The following ARHGAP26 variants were observed in gnomAD, a reference collection of about 807,000 sequenced individuals.
The protein encoded by ARHGAP26 is rho GTPase-activating protein 26.
Under a neutral mutation model 104.8 loss-of-function variants are expected in ARHGAP26, and 38 were observed. The ratio of observed to expected loss-of-function variants is 0.36; its 90% confidence interval spans 0.28 to 0.48. The LOEUF is 0.48. Among genes scored for constraint, ARHGAP26 ranks in the 20% least tolerant of loss-of-function variants. The pLI is 0.99. For missense variants in ARHGAP26, 704 were observed against 947.9 expected (o/e 0.74, Z 3.38); for synonymous variants, 341 against 340.0 (o/e 1.00, Z -0.03).
intron 12 of ARHGAP26, among the ~76,000 whole-genome samples, chr5:143,021,335 C>T (rs1392533341): frequency 6.6e-6 from 1 of 152,182 alleles, no homozygotes; most frequent in African/African-American, 2.4e-5. Context: ...AATATTCTGT[C>T]ATTGGACTAT....
chr5:142,832,799 T>G (rs1768748724), intron 1 of ARHGAP26, among the ~76,000 whole-genome samples: 1 of 152,234 alleles, frequency 6.6e-6, no homozygotes. Flanking sequence ...GAGTTGAATC[T>G]GCTCAGATGC....
chr5:143,096,669 T>C (rs1339038059), intron 17 of ARHGAP26, among the ~76,000 whole-genome samples: 1 of 151,704 alleles, frequency 6.6e-6, no homozygotes, highest in Non-Finnish European at 1.5e-5. Context: ...TGCTCATTTA[T>C]CAAGTAAAGC....
chr5:142,807,880 A>G (rs944198506), intron 1 of ARHGAP26, among the ~76,000 whole-genome samples: 13 of 152,194 alleles, frequency 8.5e-5, no homozygotes, highest in African/African-American at 3.1e-4. Context: ...GTCATCTCTT[A>G]GAAAGATGGG....
chr5:142,889,246 C>T (rs1466196130), intron 5 of ARHGAP26, among the ~76,000 whole-genome samples: 1 of 152,174 alleles, frequency 6.6e-6, no homozygotes, highest in Non-Finnish European at 1.5e-5. Context: ...ATGGGCCATA[C>T]ACCGTTCTGA....
At chr5:143,165,823 T>G (rs1353029732) in intron 20 of ARHGAP26, among the ~76,000 whole-genome samples, 1 of 152,220 alleles carries the variant, frequency 6.6e-6, no homozygotes, top group Non-Finnish European at 1.5e-5. Flanking sequence ...GTGTTTGATT[T>G]TCTATTTCTG....
At chr5:143,097,741 G>T (rs566382023) in intron 17 of ARHGAP26, among the ~76,000 whole-genome samples, 1 of 148,822 alleles carries the variant, frequency 6.7e-6, no homozygotes, top group Non-Finnish European at 1.5e-5. Flanking sequence ...AGAATGGCAT[G>T]AACCTGGGAG....
At chr5:142,974,069 T>C (rs1185625822) in intron 11 of ARHGAP26, among the ~76,000 whole-genome samples, 1 of 152,244 alleles carries the variant, frequency 6.6e-6, no homozygotes, top group East Asian at 1.9e-4. Flanking sequence ...GTCTATTTGA[T>C]CAGTTCCTTT....
chr5:143,094,860 G>C (rs1265524887), intron 17 of ARHGAP26, among the ~76,000 whole-genome samples: 1 of 152,086 alleles, frequency 6.6e-6, no homozygotes, highest in Non-Finnish European at 1.5e-5. Flanking sequence ...GAATGAGTCG[G>C]GGTGGAGCAG....
intron 1 of ARHGAP26, 113 bp downstream of exon 1, chr5:142,771,028 G>C (rs918337313): frequency 2.1e-6 from 3 of 1,447,884 alleles, no homozygotes; most frequent in African/African-American, 1.5e-5. Context: ...GGTACACTGG[G>C]GGACGGGTGT....
chr5:142,870,860 C>T (rs1755185704), intron 1 of ARHGAP26, among the ~76,000 whole-genome samples: 1 of 152,204 alleles, frequency 6.6e-6, no homozygotes, highest in South Asian at 2.1e-4. Context: ...CTGTCACCAT[C>T]ACCCCATAGA....
At chr5:142,779,556 C>T (rs1224889982) in intron 1 of ARHGAP26, among the ~76,000 whole-genome samples, 1 of 152,178 alleles carries the variant, frequency 6.6e-6, no homozygotes, top group Non-Finnish European at 1.5e-5. Context: ...ACTCTTGCTG[C>T]TGCCACACAG....
At chr5:142,891,745 C>T (rs1004614307) in intron 5 of ARHGAP26, among the ~76,000 whole-genome samples, 4 of 151,970 alleles carry the variant, frequency 2.6e-5, no homozygotes, top group African/African-American at 4.8e-5. Flanking sequence ...TGTTATAGAA[C>T]GGTTTCTGAC....
Position 143,224,199 on chromosome 5 carries a change from C to G in ARHGAP26, c.*1753C>G. ...TATTTGATATTCTTTAAGTTAGTTG[C>G]TCACACACTTAGGCTTTGATTGCTG... On this transcript the variant is annotated 3_prime_UTR_variant, in exon 23 of 23. Transcript: ENST00000645722. The G allele has an allele frequency of 4.3e-6, 1 of 230,306 alleles. No individual in the cohort carries two copies. Among genetic ancestry groups the G allele is most frequent in the Non-Finnish European group, 8.6e-6 (1 of 116,302 alleles). 14.3% of individuals were successfully genotyped at this position (230,306 alleles called of 1,614,324 possible). A position where few individuals can be genotyped will look rare whatever the true frequency, so the allele number is the denominator to read the frequency against.
intron 20 of ARHGAP26, among the ~76,000 whole-genome samples, chr5:143,175,410 G>C (rs1803333773): frequency 6.6e-6 from 1 of 152,182 alleles, no homozygotes; most frequent in Admixed American, 6.5e-5. Context: ...ACAGAGAAAG[G>C]CTATCTGTCA....
intron 17 of ARHGAP26, among the ~76,000 whole-genome samples, chr5:143,080,519 A>G (rs1420383603): frequency 6.6e-6 from 1 of 152,142 alleles, no homozygotes; most frequent in African/African-American, 2.4e-5. Context: ...TGAGAGAGCA[A>G]AGCCCTGTGA....
At chr5:143,107,706 G>A (rs548425745) in intron 17 of ARHGAP26, among the ~76,000 whole-genome samples, 57 of 152,288 alleles carry the variant, frequency 3.7e-4, no homozygotes, top group Admixed American at 2.7e-3. Context: ...CCCAGATCTC[G>A]ACTTCACTCT....
chr5:142,900,530 C>G (rs1019491734), intron 6 of ARHGAP26, among the ~76,000 whole-genome samples: 2 of 150,588 alleles, frequency 1.3e-5, no homozygotes, highest in Non-Finnish European at 3.0e-5. Context: ...ACTGGGCTGG[C>G]CTGCCCTCTG....
chr5:142,841,975 G>A (rs919632197), intron 1 of ARHGAP26, among the ~76,000 whole-genome samples: 1 of 152,206 alleles, frequency 6.6e-6, no homozygotes, highest in African/African-American at 2.4e-5. Context: ...TAAGAGCCAT[G>A]CAAACCTCCA....
intron 11 of ARHGAP26, among the ~76,000 whole-genome samples, chr5:142,985,655 CT>C (rs1774596401): frequency 8.1e-6 from 1 of 123,502 alleles, no homozygotes. Context: ...TCCCTCCCCC[CT>C]CCCCCCCACC....
Sources: gnomAD v4.1 joint callset for allele counts (sites outside exome capture counted in the v4.1 genomes callset) on GRCh38, gnomAD v4.1.1 for gene constraint, MANE v1.5 for transcripts, NCBI Gene and HGNC (gene_info 2026-07-23, HGNC 2026-07-21) for gene names.